The following PCDH17 variants were observed in gnomAD, a reference collection of about 807,000 sequenced individuals.
The protein encoded by PCDH17 is protocadherin-17.
Under a neutral mutation model 67.7 loss-of-function variants are expected in PCDH17, and 21 were observed. That is an observed-to-expected ratio of 0.31 (90% CI 0.22 to 0.45). The LOEUF is 0.45. Ranked by LOEUF, PCDH17 falls within the 20% of genes least tolerant of loss-of-function variation. The pLI is 1.00. For missense variants in PCDH17, 1,471 were observed against 1,564.8 expected (o/e 0.94, Z 1.01); for synonymous variants, 701 against 656.7 (o/e 1.07, Z -1.03).
At chr13:57,699,338 C>T (rs1057134738) in intron 3 of PCDH17, among the ~76,000 whole-genome samples, 5 of 151,892 alleles carry the variant, frequency 3.3e-5, no homozygotes, top group Admixed American at 6.6e-5. Flanking sequence ...TTCCTGAATT[C>T]CTAAGAAACT....
At chr13:57,636,014 TTAAGTA>T (rs1358460737) in intron 1 of PCDH17, among the ~76,000 whole-genome samples, 1 of 152,204 alleles carries the variant, frequency 6.6e-6, no homozygotes, top group East Asian at 1.9e-4. Context: ...AGTGTGTATA[TTAAGTA>T]TATCTAAGTG....
upstream of PCDH17, among the ~76,000 whole-genome samples, chr13:57,631,076 A>G (rs1460690871): frequency 6.6e-6 from 1 of 152,144 alleles, no homozygotes; most frequent in Non-Finnish European, 1.5e-5. Flanking sequence ...TGCAGAATGC[A>G]TCACGCCAAA....
At chr13:57,637,909 C>G (rs1407625498) in intron 1 of PCDH17, among the ~76,000 whole-genome samples, 3 of 151,906 alleles carry the variant, frequency 2.0e-5, no homozygotes, top group Non-Finnish European at 4.4e-5. Flanking sequence ...CATAGGAGTA[C>G]TTTTACTGAG....
At chr13:57,692,641 T>C (rs1489100843) in intron 3 of PCDH17, among the ~76,000 whole-genome samples, 1 of 151,354 alleles carries the variant, frequency 6.6e-6, no homozygotes, top group East Asian at 1.9e-4. Flanking sequence ...AGAACACAAA[T>C]TAACTTGTAT....
intron 3 of PCDH17, among the ~76,000 whole-genome samples, chr13:57,678,882 G>A (rs1955420919): frequency 6.6e-6 from 1 of 151,324 alleles, no homozygotes; most frequent in Non-Finnish European, 1.5e-5. Flanking sequence ...TGATATTTAG[G>A]CATATAATTC....
chr13:57,634,979 G>T lies in PCDH17; in HGVS notation c.2433G>T (p.Ser811=), dbSNP rs141956689. 4.3e-6 allele frequency: 7 copies of T among 1,613,828 alleles called. No homozygotes were observed. In the East Asian group the frequency reaches 1.6e-4, roughly 36 times the overall value. The change falls in exon 1 of 4, where the codon TCG becomes TCT. Residue 811 remains serine (S), a synonymous_variant. Coordinates refer to ENST00000377918, the MANE Select transcript of PCDH17 (RefSeq NM_001040429.3). This position sits in a 1 kb window ranked among gnomAD's most constrained non-coding sequence, Gnocchi z 7.8. The part of the protein sequence containing the change: ...QTRLPLSSPR[S]EVMYLKPASN... ...GCCTGCCCCTCAGCTCGCCCCGGTC[G>T]GAGGTGATGTATCTCAAACCGGCCT... is the stretch of plus-strand genomic sequence containing the variant.
chr13:57,653,731 C>T (rs1955070143), intron 1 of PCDH17, among the ~76,000 whole-genome samples: 1 of 152,064 alleles, frequency 6.6e-6, no homozygotes, highest in Admixed American at 6.5e-5. Context: ...TAAACAAGAG[C>T]TGAAGAGCAA....
At chr13:57,711,988 A>G (rs1386515288) in intron 3 of PCDH17, among the ~76,000 whole-genome samples, 1 of 151,556 alleles carries the variant, frequency 6.6e-6, no homozygotes, top group Admixed American at 6.6e-5. Context: ...TAAAACAACT[A>G]TACTCAATAA....
intron 3 of PCDH17, among the ~76,000 whole-genome samples, chr13:57,716,637 T>G (rs760602603): frequency 2.6e-5 from 4 of 151,914 alleles, no homozygotes; most frequent in Non-Finnish European, 4.4e-5. Flanking sequence ...TATGACATAG[T>G]TCAAAATGTA....
intron 1 of PCDH17, among the ~76,000 whole-genome samples, chr13:57,636,128 G>A (rs1401168128): frequency 6.6e-6 from 1 of 152,156 alleles, no homozygotes; most frequent in Non-Finnish European, 1.5e-5. Flanking sequence ...AACAGCAGCA[G>A]GTGACTATAC....
upstream of PCDH17, among the ~76,000 whole-genome samples, chr13:57,630,932 T>C (rs964559386): frequency 2.6e-5 from 4 of 152,154 alleles, no homozygotes; most frequent in African/African-American, 9.7e-5. Context: ...CCCGAAATAA[T>C]GTGTAGACAG....
chr13:57,707,342 T>A (rs1955730510), intron 3 of PCDH17, among the ~76,000 whole-genome samples: 1 of 147,722 alleles, frequency 6.8e-6, no homozygotes, highest in South Asian at 2.1e-4. Context: ...ACCGTGTGTG[T>A]GTGTGTGTGT....
chr13:57,702,668 C>T (rs1363147056), intron 3 of PCDH17, among the ~76,000 whole-genome samples: 7 of 152,128 alleles, frequency 4.6e-5, no homozygotes, highest in Admixed American at 4.6e-4. Context: ...TAGATATACT[C>T]TCCCTTTGCC....
At position 57,634,872 on chromosome 13, in the gene PCDH17, G is replaced by A; in HGVS notation, c.2326G>A (p.Glu776Lys). The change falls in exon 1 of 4, where the codon GAG becomes AAG. Residue 776 changes from glutamate (E) to lysine (K), a missense_variant. By Grantham distance (56) the Glu-to-Lys change is moderately conservative. Around this residue, in one of 3 missense-constraint regions of PCDH17, gnomAD observed 1,163 missense variants for 1,230.0 expected, o/e 0.95. Coordinates refer to ENST00000377918, the MANE Select transcript of PCDH17 (RefSeq NM_001040429.3). This position sits in a 1 kb window ranked among gnomAD's most constrained non-coding sequence, Gnocchi z 7.8. ...CATGCTGGTGCAGAGCGAAGTGGAG[G>A]AGAGGAACGCCATGAACGTCATGAA... ...DIMLVQSEVE[E>K]RNAMNVMNVV... 2 of 1,614,074 alleles carry A rather than the reference G, an allele frequency of 1.2e-6. No individual in the cohort carries two copies. The highest frequency in any genetic ancestry group is 1.7e-6 in the Non-Finnish European group (2 of 1,180,018).
At chr13:57,696,981 T>C (rs1593935073) in intron 3 of PCDH17, among the ~76,000 whole-genome samples, 1 of 151,728 alleles carries the variant, frequency 6.6e-6, no homozygotes, top group South Asian at 2.1e-4. Flanking sequence ...AAATAATTCT[T>C]AATTTTTTTT....
intron 3 of PCDH17, among the ~76,000 whole-genome samples, chr13:57,710,378 A>C (rs1955764902): frequency 6.6e-6 from 1 of 151,888 alleles, no homozygotes; most frequent in Non-Finnish European, 1.5e-5. Flanking sequence ...CCTAAAGGCA[A>C]GGCAGAACCA....
intron 1 of PCDH17, among the ~76,000 whole-genome samples, chr13:57,659,050 C>T (rs771050375): frequency 6.6e-6 from 1 of 151,810 alleles, no homozygotes; most frequent in Non-Finnish European, 1.5e-5. Context: ...TCTCATGACT[C>T]TATCTATAAT....
intron 3 of PCDH17, among the ~76,000 whole-genome samples, chr13:57,692,779 C>T (rs1255911059): frequency 6.6e-6 from 1 of 151,114 alleles, no homozygotes; most frequent in Non-Finnish European, 1.5e-5. Context: ...TTTCCCAACT[C>T]AGCTTATAAA....
At chr13:57,721,452 T>C (rs1355556361) in intron 3 of PCDH17, among the ~76,000 whole-genome samples, 7 of 152,102 alleles carry the variant, frequency 4.6e-5, no homozygotes, top group Admixed American at 3.3e-4. Context: ...TAATTTAACA[T>C]ATCTATTCCA....
Sources: allele counts gnomAD v4.1 joint callset (sites outside exome capture counted in the v4.1 genomes callset), GRCh38; gene constraint gnomAD v4.1.1; regional missense constraint gnomAD v4.1.1; non-coding constraint Gnocchi (gnomAD v3.1); transcripts MANE v1.5; gene names NCBI Gene and HGNC (gene_info 2026-07-23, HGNC 2026-07-21).